TBC1D7: variants seen among roughly 807,000 people sequenced by gnomAD.
The protein encoded by TBC1D7 is TBC domain family 7.
In TBC1D7, 33 loss-of-function variants were observed where a neutral mutation model predicts 35.3. That is an observed-to-expected ratio of 0.93 (90% CI 0.71 to 1.25). The LOEUF is 1.25. Ranked by LOEUF, TBC1D7 falls within the 50% of genes most tolerant of loss-of-function variation. The pLI is 0.00. For missense variants in TBC1D7, 362 were observed against 365.3 expected, an observed-to-expected ratio of 0.99 and a Z score of 0.07; for synonymous variants, 135 against 129.5, an observed-to-expected ratio of 1.04 and a Z score of -0.29.
intron 4 of TBC1D7, 99 bp from the exon 5 acceptor site, chr6:13,316,807 A>C: frequency 7.2e-7 from 1 of 1,396,420 alleles, no homozygotes; most frequent in Non-Finnish European, 9.8e-7. Context: ...AATTTTGAAA[A>C]GGCTACATTA....
At chr6:13,316,824 C>T in intron 4 of TBC1D7, 116 bp from the exon 5 acceptor site, 1 of 1,264,006 alleles carries the variant, frequency 7.9e-7, no homozygotes, top group Non-Finnish European at 1.1e-6. Flanking sequence ...ATTAATAAAT[C>T]AAAGTAGGAT....
At chr6:13,319,056 T>C (rs1256323694) in intron 4 of TBC1D7, 1 of 152,244 alleles carries the variant, frequency 6.6e-6, no homozygotes, top group East Asian at 1.9e-4. Context: ...CTGCCAATAA[T>C]GCGTGACCAG....
intron 7 of TBC1D7, 111 bp from the exon 8 acceptor site, chr6:13,305,298 C>T (rs1420531812): frequency 4.1e-6 from 4 of 981,528 alleles, no homozygotes; most frequent in Non-Finnish European, 6.4e-6. Flanking sequence ...CACTGTTTTT[C>T]AGAAAGTGAC....
At chr6:13,310,339 C>T (rs961179134) in intron 5 of TBC1D7, among the ~76,000 whole-genome samples, 1 of 152,126 alleles carries the variant, frequency 6.6e-6, no homozygotes, top group African/African-American at 2.4e-5. Flanking sequence ...AATATATTAA[C>T]CTGAGAATAT....
intron 3 of TBC1D7, among the ~76,000 whole-genome samples, chr6:13,322,011 C>G (rs1277227906): frequency 6.6e-6 from 1 of 152,146 alleles, no homozygotes; most frequent in African/African-American, 2.4e-5. Context: ...CCAAGGCAGG[C>G]AGATCACTTG....
In TBC1D7 at chr6:13,307,706, T is replaced by C; in HGVS notation, c.559A>G (p.Arg187Gly). 1 of 1,614,116 alleles carries C rather than the reference T, an allele frequency of 6.2e-7. No homozygotes were observed. Among genetic ancestry groups the C allele is most frequent in the Non-Finnish European group, 8.5e-7 (1 of 1,179,984 alleles). The change falls in exon 6 of 8, where the codon AGA (arginine) becomes GGA (glycine). Residue 187 changes from arginine to glycine, a missense_variant. Physicochemically the swap from Arg to Gly is moderately radical, Grantham distance 125 (BLOSUM62 -2). Coordinates refer to ENST00000379300, the MANE Select transcript of TBC1D7 (RefSeq NM_016495.6). ...FEQYLNLEDG[R>G]LLTHLRMCSA... is the part of the protein sequence containing the mutation. ...CACATCCTCAGATGAGTCAGCAGTCTGCCATCTTCCAGATTCAAGTATTGT... is the reference window on the plus strand; with the variant it reads ...CACATCCTCAGATGAGTCAGCAGTCCGCCATCTTCCAGATTCAAGTATTGT...
chr6:13,318,600 C>A (rs1353395349), intron 4 of TBC1D7: 1 of 152,120 alleles, frequency 6.6e-6, no homozygotes, highest in Non-Finnish European at 1.5e-5. Context: ...TTTATTAGCT[C>A]TAAGGTTTGT....
chr6:13,305,228 GACA>G, intron 7 of TBC1D7, 41 bp from the exon 8 acceptor site: 1 of 1,578,086 alleles, frequency 6.3e-7, no homozygotes, highest in South Asian at 1.1e-5. Context: ...TTTCAGTGTT[GACA>G]ACTTCAGTGT....
intron 3 of TBC1D7, among the ~76,000 whole-genome samples, chr6:13,324,458 G>A (rs2127543086): frequency 6.6e-6 from 1 of 152,210 alleles, no homozygotes; most frequent in East Asian, 1.9e-4. Context: ...AGAAAAGGAG[G>A]ATGGTAATGG....
At chr6:13,316,424 T>C (rs931064937) in intron 5 of TBC1D7, 147 bp downstream of exon 5, 14 of 847,294 alleles carry the variant, frequency 1.7e-5, no homozygotes, top group Non-Finnish European at 2.2e-5. Context: ...ATTTAGATTA[T>C]ATGGACTTTT....
rs546122443 is a variant in TBC1D7, at chr6:13,310,637, C to CAAAAAAAAAAAAAAAAAAAAAAAAAAA, written c.520-2893_520-2892insTTTTTTTTTTTTTTTTTTTTTTTTTTT. 3.5e-3 allele frequency among the ~76,000 whole-genome samples: 253 copies of CAAAAAAAAAAAAAAAAAAAAAAAAAAA among 72,738 alleles called. 6 individuals are homozygous for CAAAAAAAAAAAAAAAAAAAAAAAAAAA. The highest frequency in any genetic ancestry group is 5.0e-3 in the Non-Finnish European group (184 of 36,826). The allele number at this position is 72,738 out of a possible 152,430, so 47.7% of individuals were successfully genotyped here. On this transcript the variant is annotated intron_variant, in intron 5 of 7. Coordinates refer to ENST00000379300, the MANE Select transcript of TBC1D7 (RefSeq NM_016495.6). ...TGGGTGACAGAGCGAGACTCCGTCTCAAAAAAAAAAAAAAAAGAATATTGT... is the reference window on the plus strand; with the variant it reads ...TGGGTGACAGAGCGAGACTCCGTCTCAAAAAAAAAAAAAAAAAAAAAAAAAAAAAAAAAAAAAAAAAAAGAATATTGT...
chr6:13,306,113 G>A (rs1438704975), intron 7 of TBC1D7: 9 of 237,280 alleles, frequency 3.8e-5, no homozygotes, highest in African/African-American at 1.9e-4. Flanking sequence ...TTCTTATAAT[G>A]TAAAAATACA....
chr6:13,323,221 T>C (rs1457628217), intron 3 of TBC1D7, among the ~76,000 whole-genome samples: 4 of 151,546 alleles, frequency 2.6e-5, no homozygotes, highest in Admixed American at 2.6e-4. Flanking sequence ...GGCGTGGGGG[T>C]GCGCGCCTGT....
rs1467532409 is a variant in TBC1D7, at chr6:13,306,509, CACA to C, written c.681_683del (p.Val228del). ...AAACTAGGATCTTACAGGATCCACT[CACA>C]ACTTTATCCCAAACCCTACAAAAAT... On this transcript the variant is annotated inframe_deletion, in exon 7 of 8. Coordinates refer to ENST00000379300, the MANE Select transcript of TBC1D7 (RefSeq NM_016495.6). 7 of 1,602,652 alleles carry C rather than the reference CACA, an allele frequency of 4.4e-6. No homozygotes were observed. The highest frequency in any genetic ancestry group is 6.0e-6 in the Non-Finnish European group (7 of 1,176,088).
chr6:13,321,305 G>A (rs766465004), intron 3 of TBC1D7, among the ~76,000 whole-genome samples: 20 of 152,196 alleles, frequency 1.3e-4, no homozygotes, highest in Non-Finnish European at 2.8e-4. Context: ...GAGTGCTGAT[G>A]CATCACTGAT....
chr6:13,325,738 T>C (rs1784362586), intron 2 of TBC1D7, among the ~76,000 whole-genome samples: 1 of 152,254 alleles, frequency 6.6e-6, no homozygotes. Context: ...CTACATTCCC[T>C]ATAACAGTGG....
intron 5 of TBC1D7, among the ~76,000 whole-genome samples, chr6:13,314,856 G>A (rs1026349680): frequency 1.1e-4 from 16 of 152,058 alleles, no homozygotes; most frequent in Admixed American, 1.0e-3. Context: ...AAGAAAAAAA[G>A]GTTTATTTTT....
At chr6:13,324,647 C>T (rs746041029) in intron 3 of TBC1D7, among the ~76,000 whole-genome samples, 3 of 152,162 alleles carry the variant, frequency 2.0e-5, no homozygotes, top group African/African-American at 7.2e-5. Context: ...GTCATTCACA[C>T]TTCTAGGGAG....
chr6:13,312,799 A>G (rs1783325414), intron 5 of TBC1D7, among the ~76,000 whole-genome samples: 1 of 152,046 alleles, frequency 6.6e-6, no homozygotes, highest in South Asian at 2.1e-4. Flanking sequence ...CAAAAAAAAA[A>G]AAAATGCTGG....
Sources: allele counts gnomAD v4.1 joint callset (sites outside exome capture counted in the v4.1 genomes callset), GRCh38; gene constraint gnomAD v4.1.1; transcripts MANE v1.5; gene names NCBI Gene and HGNC (gene_info 2026-07-23, HGNC 2026-07-21).